Variants in PCDH15 observed in about 807,000 individuals in gnomAD.
PCDH15 encodes protocadherin related 15.
A neutral mutation model predicts 178.5 loss-of-function variants in PCDH15; 129 were observed. The ratio of observed to expected loss-of-function variants is 0.72; its 90% CI spans 0.63 to 0.84. The LOEUF (loss-of-function observed/expected upper bound fraction) is 0.84, where lower values mean the gene tolerates loss of function less well. Ranked by LOEUF, PCDH15 falls within the 40% of genes least tolerant of loss-of-function variation. The pLI, the probability that PCDH15 is intolerant of heterozygous loss-of-function variation, is 0.00. For missense variants in PCDH15, 2,230 were observed against 2,099.9 expected, an observed-to-expected ratio of 1.06 and a Z score of -1.21; for synonymous variants, 800 against 732.0, an observed-to-expected ratio of 1.09 and a Z score of -1.50.
chr10:53,871,538 G>T (rs1204726247), intron 26 of PCDH15, among the ~76,000 whole-genome samples: 1 of 149,870 alleles, frequency 6.7e-6, no homozygotes, highest in African/African-American at 2.5e-5. Context: ...AGTTACCTAA[G>T]TTGTCATAAT....
chr10:54,678,216 A>C (rs2094828815), intron 1 of PCDH15, among the ~76,000 whole-genome samples: 1 of 152,226 alleles, frequency 6.6e-6, no homozygotes, highest in Admixed American at 6.5e-5. Flanking sequence ...ATGCACATGT[A>C]CCTTTAAAGT....
At chr10:54,715,515 T>C (rs1259626526) in intron 1 of PCDH15, among the ~76,000 whole-genome samples, 1 of 152,046 alleles carries the variant, frequency 6.6e-6, no homozygotes, top group African/African-American at 2.4e-5. Context: ...CAAAGGACAC[T>C]CCAGATCCAA....
chr10:54,389,425 G>A (rs1950275810), intron 3 of PCDH15, among the ~76,000 whole-genome samples: 4 of 152,150 alleles, frequency 2.6e-5, no homozygotes, highest in Admixed American at 2.6e-4. Flanking sequence ...TTATGATTTA[G>A]TAGATATAGA....
chr10:54,910,879 C>T (rs750425110), intron 2 of PCDH15, among the ~76,000 whole-genome samples: 2 of 152,090 alleles, frequency 1.3e-5, no homozygotes, highest in Admixed American at 6.6e-5. Flanking sequence ...ATCATGTGGT[C>T]AGGGTTCACC....
At chr10:54,836,241 C>T (rs1953313683) in intron 3 of PCDH15, among the ~76,000 whole-genome samples, 1 of 152,024 alleles carries the variant, frequency 6.6e-6, no homozygotes, top group African/African-American at 2.4e-5. Flanking sequence ...ATTAAAAATT[C>T]CAAGGCTTTA....
intron 3 of PCDH15, among the ~76,000 whole-genome samples, chr10:54,477,586 A>G (rs964718515): frequency 8.5e-5 from 13 of 152,124 alleles, no homozygotes; most frequent in African/African-American, 2.9e-4. Flanking sequence ...ATGAACGAAT[A>G]TATTTTTTAA....
intron 6 of PCDH15, among the ~76,000 whole-genome samples, chr10:54,331,164 GA>G (rs35144203): frequency 0.73 from 108,999 of 148,726 alleles, 40,710 homozygotes; most frequent in African/African-American, 0.84. Context: ...TAAACTCAAT[GA>G]AAAAAAAAAA....
intron 1 of PCDH15, among the ~76,000 whole-genome samples, chr10:54,751,271 G>T (rs1946190279): frequency 6.6e-6 from 1 of 152,066 alleles, no homozygotes; most frequent in South Asian, 2.1e-4. Flanking sequence ...ACTCAAGATG[G>T]TTAAAATTTT....
intron 2 of PCDH15, among the ~76,000 whole-genome samples, chr10:55,334,956 T>C (rs866644919): frequency 6.6e-6 from 1 of 152,232 alleles, no homozygotes; most frequent in African/African-American, 2.4e-5. Flanking sequence ...ACCATTTGTC[T>C]TGAATATTTT....
Position 55,350,036 on chromosome 10 carries a change from T to C in PCDH15, c.-155-183385A>G, listed in dbSNP as rs141100809. On this transcript the variant is annotated intron_variant, in intron 2 of 5. Transcript: ENST00000613346. ...TCACCCAGCTCTAAGCCACTTCCTCTCAATTTTCTACAGAAGTAACACTCA... is the reference window on the plus strand; with the variant it reads ...TCACCCAGCTCTAAGCCACTTCCTCCCAATTTTCTACAGAAGTAACACTCA... Among the ~76,000 whole-genome samples, 841 of 151,750 alleles carry C rather than the reference T, an allele frequency of 5.5e-3. 10 individuals are homozygous for C. The highest frequency in any genetic ancestry group is 0.019 in the African/African-American group (804 of 41,442).
intron 25 of PCDH15, among the ~76,000 whole-genome samples, chr10:53,936,490 T>C (rs1049566446): frequency 2.9e-4 from 44 of 152,136 alleles, no homozygotes; most frequent in African/African-American, 9.9e-4. Flanking sequence ...GAACAACTAT[T>C]TCCCAGGGCG....
intron 28 of PCDH15, among the ~76,000 whole-genome samples, chr10:53,853,127 A>G (rs1288606417): frequency 1.3e-5 from 2 of 151,972 alleles, no homozygotes; most frequent in Admixed American, 1.3e-4. Flanking sequence ...AAATTTACAT[A>G]GGTTTTAAAA....
At chr10:55,328,531 G>A (rs906811661) in intron 2 of PCDH15, among the ~76,000 whole-genome samples, 2 of 151,458 alleles carry the variant, frequency 1.3e-5, no homozygotes, top group African/African-American at 4.8e-5. Flanking sequence ...TTATGGGATC[G>A]CCATTATATA....
chr10:54,440,538 T>C (rs768955829), intron 3 of PCDH15, among the ~76,000 whole-genome samples: 4 of 151,978 alleles, frequency 2.6e-5, no homozygotes, highest in Non-Finnish European at 5.9e-5. Context: ...GTATCAAATT[T>C]TGTGGATATT....
intron 8 of PCDH15, among the ~76,000 whole-genome samples, chr10:54,273,791 T>G (rs1386793480): frequency 6.6e-6 from 1 of 152,054 alleles, no homozygotes; most frequent in Non-Finnish European, 1.5e-5. Context: ...TTTTAGAGGA[T>G]AACAGCCACA....
intron 2 of PCDH15, among the ~76,000 whole-genome samples, chr10:54,626,811 G>A (rs569807155): frequency 6.6e-6 from 1 of 152,216 alleles, no homozygotes; most frequent in East Asian, 1.9e-4. Context: ...CTGACAGCTT[G>A]CACAGTTCAC....
chr10:54,474,757 C>T (rs543193801), intron 3 of PCDH15, among the ~76,000 whole-genome samples: 58 of 152,062 alleles, frequency 3.8e-4, no homozygotes, highest in Admixed American at 9.8e-4. Flanking sequence ...GACTGAAATC[C>T]TGGCATATTT....
At chr10:53,852,999 G>C (rs1042250536) in intron 28 of PCDH15, among the ~76,000 whole-genome samples, 1 of 151,940 alleles carries the variant, frequency 6.6e-6, no homozygotes, top group African/African-American at 2.4e-5. Context: ...CATGGATAGG[G>C]GGAGCACTGG....
chr10:54,165,552 A>C (rs887131800), intron 13 of PCDH15, among the ~76,000 whole-genome samples: 1 of 152,122 alleles, frequency 6.6e-6, no homozygotes, highest in Non-Finnish European at 1.5e-5. Context: ...TAATTACTCA[A>C]ACTCTGAGAC....
Sources: allele counts gnomAD v4.1 joint callset (sites outside exome capture counted in the v4.1 genomes callset), GRCh38; gene constraint gnomAD v4.1.1; transcripts MANE v1.5; gene names NCBI Gene and HGNC (gene_info 2026-07-23, HGNC 2026-07-21).